The following GHR variants were observed in gnomAD, a reference collection of about 807,000 sequenced individuals.
The protein encoded by GHR is growth hormone receptor.
Under a neutral mutation model 67.1 loss-of-function variants are expected in GHR, and 35 were observed. That is an observed-to-expected ratio of 0.52 (90% confidence interval 0.40 to 0.69). The LOEUF (loss-of-function observed/expected upper bound fraction) is 0.69, where lower values mean the gene tolerates loss of function less well. Ranked by LOEUF, GHR falls within the 30% of genes least tolerant of loss-of-function variation. The pLI is 0.00. For synonymous variants in GHR, 272 were observed against 269.1 expected (o/e 1.01, Z -0.10); for missense variants, 792 against 764.6 (o/e 1.04, Z -0.42).
intron 1 of GHR, among the ~76,000 whole-genome samples, chr5:42,472,225 G>T (rs1745045513): frequency 6.6e-6 from 1 of 152,196 alleles, no homozygotes. Context: ...TTTACTTCTG[G>T]AGATGTATGC....
At chr5:42,656,440 T>C (rs1024099489) in intron 3 of GHR, among the ~76,000 whole-genome samples, 1 of 152,182 alleles carries the variant, frequency 6.6e-6, no homozygotes, top group African/African-American at 2.4e-5. Context: ...CAGCTCTTGT[T>C]AATGTTCTTT....
intron 2 of GHR, among the ~76,000 whole-genome samples, chr5:42,621,347 G>A (rs977630803): frequency 4.6e-5 from 7 of 152,034 alleles, no homozygotes; most frequent in South Asian, 2.1e-4. Context: ...CCTTTAACTG[G>A]CCTTATTATG....
chr5:42,529,013 C>CTTT (rs60879144), intron 1 of GHR, among the ~76,000 whole-genome samples: 1 of 143,524 alleles, frequency 7.0e-6, no homozygotes. Context: ...ATACACGTAA[C>CTTT]TTTTTTTTTT....
intron 6 of GHR, among the ~76,000 whole-genome samples, chr5:42,701,775 T>G (rs908841332): frequency 1.3e-5 from 2 of 152,184 alleles, no homozygotes; most frequent in African/African-American, 4.8e-5. Flanking sequence ...TTAATGAAAG[T>G]GACTTTTTAA....
Position 42,718,929 on chromosome 5 carries a change from G to T in GHR, c.1422G>T (p.Gln474His). 6.2e-7 allele frequency: 1 copy of T among 1,614,064 alleles called. No homozygotes were observed. The highest frequency in any genetic ancestry group is 8.5e-7 in the Non-Finnish European group (1 of 1,179,968). Residue 474 changes from glutamine to histidine, a missense_variant, in exon 10 of 10, where the codon CAG (glutamine) becomes CAT (histidine). Gln to His is a conservative substitution (Grantham distance 24). Coordinates refer to ENST00000230882, the MANE Select transcript of GHR (RefSeq NM_000163.5). Reference sequence around the variant, plus strand: ...CAACTCACCAAGCTGCCCATATTCAGCTAAGCAATCCAAGTTCACTGTCAA... The same window carrying T: ...CAACTCACCAAGCTGCCCATATTCATCTAAGCAATCCAAGTTCACTGTCAA... ...AESTHQAAHI[Q>H]LSNPSSLSNI...
intron 2 of GHR, among the ~76,000 whole-genome samples, chr5:42,616,818 G>A (rs1753178078): frequency 6.6e-6 from 1 of 152,064 alleles, no homozygotes; most frequent in Non-Finnish European, 1.5e-5. Context: ...AAGTGGCTCA[G>A]GCATCCTCAA....
intron 1 of GHR, chr5:42,565,584 A>G (rs1198079073): frequency 1.0e-6 from 1 of 985,062 alleles, no homozygotes; most frequent in Non-Finnish European, 1.2e-6. Flanking sequence ...GTTTGCTGTG[A>G]GGTGTTTCTA....
intron 3 of GHR, among the ~76,000 whole-genome samples, chr5:42,659,001 T>C (rs1755411439): frequency 6.6e-6 from 1 of 152,164 alleles, no homozygotes; most frequent in Non-Finnish European, 1.5e-5. Flanking sequence ...GCTAAGGCAT[T>C]GCAATATATA....
intron 2 of GHR, among the ~76,000 whole-genome samples, chr5:42,590,683 G>A (rs1751729524): frequency 6.6e-6 from 1 of 152,204 alleles, no homozygotes; most frequent in Non-Finnish European, 1.5e-5. Flanking sequence ...AAATGTGACT[G>A]TAGAGCAGCC....
intron 1 of GHR, among the ~76,000 whole-genome samples, chr5:42,454,468 A>C (rs771163225): frequency 6.6e-5 from 10 of 152,190 alleles, no homozygotes; most frequent in Non-Finnish European, 1.0e-4. Context: ...CAGATAGAAA[A>C]ATACCATCAA....
At chr5:42,537,851 A>G (rs1340558425) in intron 1 of GHR, among the ~76,000 whole-genome samples, 1 of 152,148 alleles carries the variant, frequency 6.6e-6, no homozygotes, top group African/African-American at 2.4e-5. Context: ...TGTTAGGCGC[A>G]TATATGTTTA....
At chr5:42,700,219 A>G (rs1757868621) in intron 6 of GHR, among the ~76,000 whole-genome samples, 2 of 152,216 alleles carry the variant, frequency 1.3e-5, no homozygotes, top group Admixed American at 1.3e-4. Flanking sequence ...CTGTGGAAGG[A>G]AAGGAAAACT....
At chr5:42,436,009 C>T (rs1743307854) in intron 1 of GHR, among the ~76,000 whole-genome samples, 1 of 152,168 alleles carries the variant, frequency 6.6e-6, no homozygotes, top group African/African-American at 2.4e-5. Context: ...AAGAGGTAGT[C>T]ATAAGAGTGG....
At chr5:42,446,154 A>C (rs1446101125) in intron 1 of GHR, among the ~76,000 whole-genome samples, 2 of 152,242 alleles carry the variant, frequency 1.3e-5, no homozygotes, top group African/African-American at 4.8e-5. Flanking sequence ...CATGGACTTT[A>C]GGAGCACAAA....
At chr5:42,455,821 ACTGATACTAGAATTTT>A (rs1241348606) in intron 1 of GHR, among the ~76,000 whole-genome samples, 2 of 152,222 alleles carry the variant, frequency 1.3e-5, no homozygotes, top group African/African-American at 2.4e-5. Flanking sequence ...AAGGAGTAGC[ACTGATACTAGAATTTT>A]GTGATCAACA....
chr5:42,694,213 T>C (rs1028167453), intron 4 of GHR, among the ~76,000 whole-genome samples: 4 of 152,212 alleles, frequency 2.6e-5, no homozygotes, highest in African/African-American at 9.6e-5. Flanking sequence ...TATGGTTTTT[T>C]ACTCTTTCCT....
At chr5:42,670,023 A>G (rs1017009768) in intron 3 of GHR, among the ~76,000 whole-genome samples, 2 of 152,146 alleles carry the variant, frequency 1.3e-5, no homozygotes, top group African/African-American at 2.4e-5. Flanking sequence ...GAAAAAAATC[A>G]TAAAATTCAT....
chr5:42,552,640 T>A (rs1280141886), intron 1 of GHR, among the ~76,000 whole-genome samples: 1 of 152,166 alleles, frequency 6.6e-6, no homozygotes, highest in Non-Finnish European at 1.5e-5. Flanking sequence ...AAAATGCCAA[T>A]ATATTTGTTT....
intron 2 of GHR, among the ~76,000 whole-genome samples, chr5:42,605,217 T>C (rs78456752): frequency 6.6e-6 from 1 of 151,256 alleles, no homozygotes; most frequent in African/African-American, 2.4e-5. Context: ...CTGTCCCCTG[T>C]CTCAGCCTCC....
Sources: allele counts gnomAD v4.1 joint callset (sites outside exome capture counted in the v4.1 genomes callset), GRCh38; gene constraint gnomAD v4.1.1; transcripts MANE v1.5; gene names NCBI Gene and HGNC (gene_info 2026-07-23, HGNC 2026-07-21).